Variants in CELF5 observed in about 807,000 individuals in gnomAD.
CELF5 encodes CUGBP Elav-like family member 5, also known as CUG-BP and ETR-3 like factor 5.
CELF5 carries 6 observed loss-of-function variants against 54.9 expected under a neutral mutation model. The ratio of observed to expected loss-of-function variants is 0.11; its 90% CI spans 0.06 to 0.22. CELF5 has a LOEUF of 0.22. Ranked by LOEUF, CELF5 falls within the 10% of genes least tolerant of loss-of-function variation. CELF5 has a pLI of 1.00. For missense variants in CELF5, 401 were observed against 678.6 expected, an observed-to-expected ratio of 0.59 and a Z score of 4.54; for synonymous variants, 271 against 290.9, an observed-to-expected ratio of 0.93 and a Z score of 0.70.
At chr19:3,235,751 TG>T (rs1917561468) in intron 1 of CELF5, among the ~76,000 whole-genome samples, 1 of 143,420 alleles carries the variant, frequency 7.0e-6, no homozygotes, top group Non-Finnish European at 1.5e-5. Flanking sequence ...GATGGATGGA[TG>T]GATGTGTGGA....
intron 1 of CELF5, among the ~76,000 whole-genome samples, chr19:3,238,764 TCTA>T (rs2145010381): frequency 6.6e-6 from 1 of 152,212 alleles, no homozygotes; most frequent in South Asian, 2.1e-4. Context: ...AAACCCTGTC[TCTA>T]CTAAAAATAC....
At chr19:3,265,636 G>A (rs1457568824) in intron 2 of CELF5, among the ~76,000 whole-genome samples, 1 of 152,126 alleles carries the variant, frequency 6.6e-6, no homozygotes, top group Non-Finnish European at 1.5e-5. Flanking sequence ...AAAAGTGGAG[G>A]ACCCTTCAGC....
intron 5 of CELF5, among the ~76,000 whole-genome samples, chr19:3,280,942 GC>G (rs1436368559): frequency 6.6e-6 from 1 of 152,110 alleles, no homozygotes; most frequent in Admixed American, 6.5e-5. Context: ...GACAGTCAGG[GC>G]CCCCACCTGT....
intron 1 of CELF5, among the ~76,000 whole-genome samples, chr19:3,245,762 C>G (rs550803056): frequency 2.0e-5 from 3 of 152,274 alleles, no homozygotes; most frequent in Admixed American, 6.5e-5. Context: ...TCACATACAA[C>G]AACGGCAACA....
intron 8 of CELF5, among the ~76,000 whole-genome samples, chr19:3,283,838 T>A (rs1017904744): frequency 6.6e-6 from 1 of 151,220 alleles, no homozygotes; most frequent in African/African-American, 2.4e-5. Flanking sequence ...ATTTATTTAT[T>A]TAGCGACAGA....
intron 11 of CELF5, among the ~76,000 whole-genome samples, chr19:3,291,142 G>A (rs2080341223): frequency 6.6e-6 from 1 of 151,724 alleles, no homozygotes; most frequent in African/African-American, 2.4e-5. Context: ...GGTGCACACT[G>A]GTAGTCTCAG....
chr19:3,294,639 C>G (rs574056134), intron 12 of CELF5: 2 of 147,392 alleles, frequency 1.4e-5, no homozygotes, highest in South Asian at 4.3e-4. Flanking sequence ...TCAGTCTGCA[C>G]TTTTTTTTTT....
chr19:3,290,180 G>A (rs769544919), intron 10 of CELF5, 51 bp from the exon 11 acceptor site: 7 of 1,561,158 alleles, frequency 4.5e-6, no homozygotes, highest in Non-Finnish European at 6.2e-6. Context: ...CCCCGGGGGG[G>A]TTCGCCTCCT....
intron 5 of CELF5, among the ~76,000 whole-genome samples, chr19:3,280,821 C>T (rs1055914163): frequency 1.3e-5 from 2 of 152,106 alleles, no homozygotes; most frequent in South Asian, 2.1e-4. Flanking sequence ...TGTTTTCCTT[C>T]GGAAGCTGGT....
intron 9 of CELF5, among the ~76,000 whole-genome samples, chr19:3,285,445 G>T (rs1159854712): frequency 7.5e-6 from 1 of 132,930 alleles, no homozygotes; most frequent in African/African-American, 2.9e-5. Context: ...GCCCTCTGCT[G>T]CGGCCCCGCC....
rs1195812856 is a variant in CELF5 at position 3,251,652 on chromosome 19, C to CTTTTTT, written c.342+602_342+607dup. Among the ~76,000 whole-genome samples, 567 of 66,850 alleles carry CTTTTTT rather than the reference C, an allele frequency of 8.5e-3. 2 individuals are homozygous for CTTTTTT. The highest frequency in any genetic ancestry group is 0.055 in the East Asian group (105 of 1,892). The allele number at this position is 66,850 out of a possible 152,430, so 43.9% of individuals were successfully genotyped here. A position where few individuals can be genotyped will look rare whatever the true frequency, so the allele number is the denominator to read the frequency against. ...CCACAGTTCCTTAACACAAGGGCTT[C>CTTTTTT]TTTTTTTTTTTTTTTTTTTTTTGTT... is the stretch of plus-strand genomic sequence containing the variant. On this transcript the variant is annotated intron_variant, in intron 2 of 12. Coordinates refer to ENST00000292672, the MANE Select transcript of CELF5 (RefSeq NM_021938.4).
At chr19:3,283,819 A>C (rs536790617) in intron 8 of CELF5, among the ~76,000 whole-genome samples, 13 of 150,448 alleles carry the variant, frequency 8.6e-5, no homozygotes, top group Admixed American at 4.0e-4. Context: ...ACGGTATTCA[A>C]ATTTCACCAT....
chr19:3,236,945 C>T (rs1253320476), intron 1 of CELF5, among the ~76,000 whole-genome samples: 12 of 149,712 alleles, frequency 8.0e-5, no homozygotes, highest in Admixed American at 7.4e-4. Flanking sequence ...GCTGAGATCG[C>T]GCCACTGCAC....
At chr19:3,277,666 C>G (rs1459395565) in intron 4 of CELF5, among the ~76,000 whole-genome samples, 1 of 152,054 alleles carries the variant, frequency 6.6e-6, no homozygotes, top group African/African-American at 2.4e-5. Flanking sequence ...GAGCCAGGTG[C>G]AGTGGCCTCT....
At chr19:3,288,889 G>C (rs747763333) in intron 10 of CELF5, among the ~76,000 whole-genome samples, 1 of 152,098 alleles carries the variant, frequency 6.6e-6, no homozygotes, top group Non-Finnish European at 1.5e-5. Flanking sequence ...GATTCCTCTT[G>C]TTGTGGGGTG....
At chr19:3,271,231 G>C (rs1037364958) in intron 2 of CELF5, among the ~76,000 whole-genome samples, 4 of 137,860 alleles carry the variant, frequency 2.9e-5, no homozygotes, top group Admixed American at 1.4e-4. Flanking sequence ...AGCTCCTGCA[G>C]GTGCCCCCCC....
At chr19:3,227,928 AC>A (rs1193158378) in intron 1 of CELF5, among the ~76,000 whole-genome samples, 1 of 152,044 alleles carries the variant, frequency 6.6e-6, no homozygotes, top group Non-Finnish European at 1.5e-5. Context: ...GTGACACCTG[AC>A]AGCCACAGCT....
At chr19:3,286,394 G>A (rs2080248797) in intron 10 of CELF5, 1 of 239,462 alleles carries the variant, frequency 4.2e-6, no homozygotes, top group African/African-American at 2.3e-5. Flanking sequence ...CAAGGCTGTC[G>A]AAGGAGGGAG....
intron 1 of CELF5, among the ~76,000 whole-genome samples, chr19:3,230,950 C>T: frequency 6.6e-6 from 1 of 152,220 alleles, no homozygotes; most frequent in East Asian, 1.9e-4. Context: ...AGTCATACAG[C>T]AGTACAGCTG....
Sources: allele counts gnomAD v4.1 joint callset (sites outside exome capture counted in the v4.1 genomes callset), GRCh38; gene constraint gnomAD v4.1.1; transcripts MANE v1.5; gene names NCBI Gene and HGNC (gene_info 2026-07-23, HGNC 2026-07-21).